Variants in DSG4 observed in about 807,000 individuals in gnomAD.
The protein encoded by DSG4 is desmoglein 4, also known as desmoglein-4.
DSG4 carries 87 observed loss-of-function variants against 93.1 expected under a neutral mutation model. That is an observed-to-expected ratio of 0.93 (90% CI 0.79 to 1.12). The LOEUF (loss-of-function observed/expected upper bound fraction) is 1.12. Ranked by LOEUF, DSG4 falls within the 50% of genes most tolerant of loss-of-function variation. The pLI, the probability that DSG4 is intolerant of heterozygous loss-of-function variation, is 0.00. For missense variants in DSG4, 1,373 were observed against 1,285.7 expected (o/e 1.07, Z -1.04); for synonymous variants, 432 against 452.9 (o/e 0.95, Z 0.59).
intron 1 of DSG4, among the ~76,000 whole-genome samples, chr18:31,381,581 T>A (rs1188708578): frequency 1.3e-5 from 2 of 152,178 alleles, no homozygotes; most frequent in Non-Finnish European, 2.9e-5. Context: ...CCCTCCTGTT[T>A]TAACATGTCA....
In DSG4 at chr18:31,376,944, T is replaced by TA; in HGVS notation, c.33_34insA (p.Leu12IlefsTer13). Reference sequence around the variant, plus strand: ...GGCTCTTCTTCAGAAACATTTGCCTTTTGATCATTCTAATGGTAAGTAGAA... The same window carrying TA: ...GGCTCTTCTTCAGAAACATTTGCCTTATTGATCATTCTAATGGTAAGTAGAA... On this transcript the variant is annotated frameshift_variant, in exon 1 of 16. Transcript: ENST00000308128. LOFTEE classifies it high-confidence loss of function. 6.2e-7 allele frequency: 1 copy of TA among 1,613,540 alleles called. No homozygotes were observed. The highest frequency in any genetic ancestry group is 8.5e-7 in the Non-Finnish European group (1 of 1,179,660).
intron 10 of DSG4, among the ~76,000 whole-genome samples, chr18:31,402,682 A>G (rs374602202): frequency 4.4e-5 from 6 of 137,524 alleles, no homozygotes; most frequent in Admixed American, 1.7e-4. Context: ...GAGAAAGCTA[A>G]GATTCTTTTC....
At chr18:31,409,834 T>C in intron 14 of DSG4, 26 bp downstream of exon 14, 1 of 1,613,772 alleles carries the variant, frequency 6.2e-7, no homozygotes, top group Middle Eastern at 1.6e-4. Context: ...AATCTGTTTT[T>C]CCTTTTAAAT....
chr18:31,389,287 T>C (rs1478269235), intron 5 of DSG4, among the ~76,000 whole-genome samples: 1 of 152,178 alleles, frequency 6.6e-6, no homozygotes, highest in African/African-American at 2.4e-5. Context: ...ACTGGGCTCA[T>C]GAAGAACTAA....
At chr18:31,377,716 A>G (rs567520502) in intron 1 of DSG4, among the ~76,000 whole-genome samples, 7 of 152,344 alleles carry the variant, frequency 4.6e-5, no homozygotes, top group South Asian at 2.1e-4. Flanking sequence ...AAAGAAGAAC[A>G]AAGTTCCAGT....
intron 1 of DSG4, 53 bp from the exon 2 acceptor site, chr18:31,385,083 C>T: frequency 7.0e-7 from 1 of 1,434,636 alleles, no homozygotes; most frequent in East Asian, 2.3e-5. Context: ...TATGACATGG[C>T]TTCCTCTAAA....
In DSG4 at chr18:31,391,085, G is replaced by A. The variant is rs893519627; in HGVS notation, c.692G>A (p.Ser231Asn). The change falls in exon 7 of 16, where the codon AGT (serine) becomes AAT (asparagine). Residue 231 changes from serine (S) to asparagine (N), a missense_variant. Ser to Asn is a conservative substitution (Grantham distance 46). Coordinates refer to ENST00000308128, the MANE Select transcript of DSG4 (RefSeq NM_177986.5). ...MSSFLDREQH[S>N]MYNLVVRGSD... ...TTTTTCATCTTGATTAAGCAACACA[G>A]TATGTACAACCTGGTTGTGAGAGGC... The A allele has an allele frequency of 3.1e-6, 5 of 1,613,672 alleles. No homozygotes were observed. In the African/African-American group the frequency reaches 4.0e-5, roughly 13 times the overall value.
chr18:31,412,620 A>G (rs1262926127), intron 15 of DSG4, among the ~76,000 whole-genome samples: 4 of 152,206 alleles, frequency 2.6e-5, no homozygotes, highest in African/African-American at 9.6e-5. Context: ...TGTTGTTGCA[A>G]TTGTAAACTA....
chr18:31,379,941 A>G (rs1246560134), intron 1 of DSG4, among the ~76,000 whole-genome samples: 1 of 152,234 alleles, frequency 6.6e-6, no homozygotes, highest in African/African-American at 2.4e-5. Flanking sequence ...TGCTTATTAC[A>G]GAAAGAATGT....
chr18:31,391,053 T>TA, intron 6 of DSG4, 25 bp from the exon 7 acceptor site: 1 of 1,613,142 alleles, frequency 6.2e-7, no homozygotes, highest in South Asian at 1.1e-5. Flanking sequence ...ACCTAAGTCT[T>TA]ACGTTCTTTT....
intron 11 of DSG4, 86 bp downstream of exon 11, chr18:31,403,720 C>T (rs1299801980): frequency 1.7e-6 from 2 of 1,185,152 alleles, no homozygotes; most frequent in African/African-American, 1.5e-5. Context: ...CTTAATAAAA[C>T]ATTCTACTTC....
At chr18:31,412,213 T>A (rs1298031996) in intron 15 of DSG4, among the ~76,000 whole-genome samples, 6 of 152,230 alleles carry the variant, frequency 3.9e-5, no homozygotes, top group African/African-American at 1.4e-4. Context: ...TTTTGTCATT[T>A]TGCAACAACA....
At chr18:31,401,166 G>A (rs2072362301) in intron 10 of DSG4, 146 bp downstream of exon 10, 1 of 611,558 alleles carries the variant, frequency 1.6e-6, no homozygotes, top group Admixed American at 3.7e-5. Flanking sequence ...CTTAAATCAA[G>A]AATTGAAGTC....
chr18:31,396,836 G>A (rs1598743820), intron 8 of DSG4, among the ~76,000 whole-genome samples: 1 of 152,282 alleles, frequency 6.6e-6, no homozygotes, highest in East Asian at 1.9e-4. Flanking sequence ...ACCGATTTTA[G>A]GAAAGAACTA....
Position 31,412,836 on chromosome 18 carries a change from T to C in DSG4, c.2364T>C (p.Tyr788=). ...TTTCCTTTTAATTTTAGAAAGCGTA[T>C]GCTTATGCAGATGAAGATGAAGGTC... ...FLDSYFSEKA[Y]AYADEDEGRP... Residue 788 remains tyrosine, a synonymous_variant, in exon 16 of 16, where the codon TAT becomes TAC. Transcript: ENST00000308128. The C allele has an allele frequency of 6.2e-7, 1 of 1,614,214 alleles. No individual in the cohort carries two copies. Among genetic ancestry groups the C allele is most frequent in the Non-Finnish European group, 8.5e-7 (1 of 1,180,030 alleles).
intron 14 of DSG4, among the ~76,000 whole-genome samples, chr18:31,410,101 A>G (rs1192298560): frequency 6.6e-6 from 1 of 152,190 alleles, no homozygotes; most frequent in East Asian, 1.9e-4. Context: ...CGAAATGCAT[A>G]GGACCATGAG....
chr18:31,391,748 G>A (rs181559274), intron 7 of DSG4, among the ~76,000 whole-genome samples: 71 of 152,058 alleles, frequency 4.7e-4, no homozygotes, highest in African/African-American at 1.6e-3. Flanking sequence ...GTCTATGGGG[G>A]CTTTGTGCTG....
intron 12 of DSG4, 43 bp from the exon 13 acceptor site, chr18:31,409,409 C>G (rs367594794): frequency 1.2e-6 from 2 of 1,613,370 alleles, no homozygotes; most frequent in Non-Finnish European, 1.7e-6. Context: ...CTTCCTAAAC[C>G]GAGCAATGTG....
intron 8 of DSG4, among the ~76,000 whole-genome samples, chr18:31,394,680 G>GA (rs5823804): frequency 2.4e-4 from 35 of 146,136 alleles, no homozygotes; most frequent in South Asian, 6.5e-4. Flanking sequence ...AGTAAAAATG[G>GA]AAAAAAAAAA....
Sources: allele counts gnomAD v4.1 joint callset (sites outside exome capture counted in the v4.1 genomes callset), GRCh38; gene constraint gnomAD v4.1.1; transcripts MANE v1.5; gene names NCBI Gene and HGNC (gene_info 2026-07-23, HGNC 2026-07-21).